SLC6A16: variants seen among roughly 807,000 people sequenced by gnomAD.
SLC6A16 encodes the protein solute carrier family 6 member 16, also known as orphan sodium- and chloride-dependent neurotransmitter transporter NTT5.
A neutral mutation model predicts 65.4 loss-of-function variants in SLC6A16; 54 were observed. The ratio of observed to expected loss-of-function variants is 0.83; its 90% confidence interval spans 0.66 to 1.04. The LOEUF (loss-of-function observed/expected upper bound fraction) is 1.04, where lower values mean the gene tolerates loss of function less well. Ranked by LOEUF, SLC6A16 falls within the 50% of genes least tolerant of loss-of-function variation. SLC6A16 has a pLI of 0.00. For synonymous variants in SLC6A16, 330 were observed against 346.5 expected (o/e 0.95, Z 0.53); for missense variants, 816 against 914.0 (o/e 0.89, Z 1.38).
At chr19:49,307,623 G>A (rs998153098) in intron 7 of SLC6A16, among the ~76,000 whole-genome samples, 4 of 147,184 alleles carry the variant, frequency 2.7e-5, no homozygotes, top group African/African-American at 1.0e-4. Context: ...TTGAGCCCAG[G>A]AGTTCAAGAC....
intron 10 of SLC6A16, 109 bp from the exon 11 acceptor site, chr19:49,290,876 TC>T (rs1378076818): frequency 2.3e-6 from 2 of 888,882 alleles, no homozygotes; most frequent in Non-Finnish European, 3.4e-6. Flanking sequence ...ATCTCTAATC[TC>T]CTGTTTCATC....
At chr19:49,334,377 T>G in the SLC6A16 span, among the ~76,000 whole-genome samples, 1 of 151,872 alleles carries the variant, frequency 6.6e-6, no homozygotes, top group Non-Finnish European at 1.5e-5. Flanking sequence ...TCCCAGCTAC[T>G]TGGGAGGCTG....
intron 1 of SLC6A16, among the ~76,000 whole-genome samples, chr19:49,322,951 C>T (rs1406557845): frequency 2.7e-5 from 4 of 145,824 alleles, no homozygotes; most frequent in Non-Finnish European, 5.9e-5. Flanking sequence ...AAGAAAAACG[C>T]TGGTGTACTC....
intron 1 of SLC6A16, among the ~76,000 whole-genome samples, chr19:49,318,192 A>G (rs1176279529): frequency 6.6e-6 from 1 of 152,236 alleles, no homozygotes; most frequent in East Asian, 1.9e-4. Flanking sequence ...TTCCAAGGAA[A>G]GAAAAGTACT....
At chr19:49,338,860 G>A in the SLC6A16 span, 1 of 1,614,152 alleles carries the variant, frequency 6.2e-7, no homozygotes. This position sits in a 1 kb window ranked among gnomAD's most constrained non-coding sequence, Gnocchi z 5.0. Flanking sequence ...CAGCTCAGCA[G>A]GCTTGGACAC....
chr19:49,339,268 C>T, the SLC6A16 span: 2 of 1,472,890 alleles, frequency 1.4e-6, no homozygotes, highest in Non-Finnish European at 1.9e-6. This position sits in a 1 kb window ranked among gnomAD's most constrained non-coding sequence, Gnocchi z 4.5. Flanking sequence ...CTGAAAAGAA[C>T]GCTGGGCCTG....
chr19:49,337,999 C>G, the SLC6A16 span: 1 of 1,613,870 alleles, frequency 6.2e-7, no homozygotes. Flanking sequence ...AGACCGCGGC[C>G]GAGGAGAGCT....
chr19:49,331,922 T>C, the SLC6A16 span: 1 of 454,592 alleles, frequency 2.2e-6, no homozygotes, highest in Non-Finnish European at 4.4e-6. Flanking sequence ...CTTCGACTTC[T>C]GGTTAATCAT....
At chr19:49,337,463 T>G in the SLC6A16 span, among the ~76,000 whole-genome samples, 1 of 147,570 alleles carries the variant, frequency 6.8e-6, no homozygotes, top group African/African-American at 2.7e-5. Context: ...CCCATCTATA[T>G]TTAAAAAAAA....
In SLC6A16 at chr19:49,289,940, G is replaced by GT. The variant is rs1223915619; in HGVS notation, c.*182dup. On this transcript the variant is annotated 3_prime_UTR_variant, in exon 12 of 12. Coordinates refer to ENST00000335875, the MANE Select transcript of SLC6A16 (RefSeq NM_014037.3). Reference sequence around the variant, plus strand: ...GGAAAACAATGATGGTGGTCACCAGGTAAGATGGGACCCAGGAAGGGATTG... The same window carrying GT: ...GGAAAACAATGATGGTGGTCACCAGGTTAAGATGGGACCCAGGAAGGGATTG... 1 of 615,378 alleles carries GT rather than the reference G, an allele frequency of 1.6e-6. No individual in the cohort carries two copies. Among genetic ancestry groups the GT allele is most frequent in the African/African-American group, 1.8e-5 (1 of 54,086 alleles). 38.1% of individuals were successfully genotyped at this position (615,378 alleles called of 1,614,324 possible). A position where few individuals can be genotyped will look rare whatever the true frequency, so the allele number is the denominator to read the frequency against.
chr19:49,291,729 A>AG (rs1377185960), intron 10 of SLC6A16, among the ~76,000 whole-genome samples: 1 of 151,916 alleles, frequency 6.6e-6, no homozygotes, highest in Non-Finnish European at 1.5e-5. Context: ...AGTCTCCTTT[A>AG]GTACATATTC....
intron 7 of SLC6A16, among the ~76,000 whole-genome samples, chr19:49,307,062 T>TTTTTTTTTTTTTTG (rs1970405020): frequency 7.2e-6 from 1 of 138,466 alleles, no homozygotes; most frequent in Non-Finnish European, 1.6e-5. Context: ...TTTTTTTTTT[T>TTTTTTTTTTTTTTG]TTTTGTTAGA....
chr19:49,290,538 A>G, intron 11 of SLC6A16, 67 bp downstream of exon 11: 1 of 1,588,372 alleles, frequency 6.3e-7, no homozygotes, highest in South Asian at 1.1e-5. Context: ...GGGTTCTTTC[A>G]CCCAGAGTGA....
In SLC6A16 at chr19:49,308,947, C is replaced by T. The variant is rs1347194561; in HGVS notation, c.1158G>A (p.Leu386=). 6.2e-7 allele frequency: 1 copy of T among 1,614,100 alleles called. No individual in the cohort carries two copies. Among genetic ancestry groups the T allele is most frequent in the Admixed American group, 1.7e-5 (1 of 60,004 alleles). ...LVSVINLLTL[L]VFTSFNFCVL... ...CACAGAAGTTGAAAGATGTGAAAAC[C>T]AACAAAGTGAGCAGGTTTATCACAG... is the stretch of plus-strand genomic sequence containing the variant. Residue 386 remains leucine, a synonymous_variant, in exon 7 of 12, where the codon TTG becomes TTA. Transcript: ENST00000335875.
Position 49,309,833 on chromosome 19 carries a change from G to A in SLC6A16, c.701-7C>T, listed in dbSNP as rs753888074. On this transcript the variant is annotated splice_polypyrimidine_tract_variant and splice_region_variant and intron_variant, in intron 4 of 11. Transcript: ENST00000335875. The stretch of plus-strand genomic sequence containing the variant: ...GTCCGTTCACATTCAGGATCTGGGG[G>A]GACCTGGCTTTAGACATGCCTGCTA... 1.1e-5 allele frequency: 18 copies of A among 1,605,440 alleles called. No homozygotes were observed. Among genetic ancestry groups the A allele is most frequent in the Admixed American group, 1.7e-5 (1 of 59,848 alleles).
chr19:49,338,293 G>A, the SLC6A16 span: 8 of 977,142 alleles, frequency 8.2e-6, no homozygotes, highest in East Asian at 2.0e-4. This position sits in a 1 kb window ranked among gnomAD's most constrained non-coding sequence, Gnocchi z 5.0. Flanking sequence ...GAGGTTGTCA[G>A]GCCCCTAGTC....
chr19:49,319,873 T>G (rs1337223200), intron 1 of SLC6A16, among the ~76,000 whole-genome samples: 2 of 152,162 alleles, frequency 1.3e-5, no homozygotes, highest in African/African-American at 2.4e-5. Flanking sequence ...ACAAAATATC[T>G]TCTCCAGCCA....
intron 7 of SLC6A16, among the ~76,000 whole-genome samples, chr19:49,301,062 TAAATA>T (rs1568528706): frequency 6.6e-6 from 1 of 151,654 alleles, no homozygotes; most frequent in African/African-American, 2.4e-5. Flanking sequence ...AATAAATAAA[TAAATA>T]AAATAAAATA....
chr19:49,338,987 G>T, the SLC6A16 span: 7 of 1,397,692 alleles, frequency 5.0e-6, no homozygotes, highest in Non-Finnish European at 7.1e-6. The surrounding 1 kb of genome is among the most constrained non-coding windows in gnomAD (Gnocchi z 5.0). Context: ...GGGCCTGCGG[G>T]AGGGGGAGGG....
Sources: gnomAD v4.1 joint callset for allele counts (sites outside exome capture counted in the v4.1 genomes callset) on GRCh38, gnomAD v4.1.1 for gene constraint, Gnocchi (gnomAD v3.1) non-coding constraint, MANE v1.5 for transcripts, NCBI Gene and HGNC (gene_info 2026-07-23, HGNC 2026-07-21) for gene names.